Variants in SMARCA5 observed in about 807,000 individuals in gnomAD.
SMARCA5 encodes the protein SWI/SNF-related matrix-associated actin-dependent regulator of chromatin subfamily A member 5.
In SMARCA5, 18 loss-of-function variants were observed where a neutral mutation model predicts 140.4. That is an observed-to-expected ratio of 0.13 (90% CI 0.09 to 0.19). The LOEUF (loss-of-function observed/expected upper bound fraction) is 0.19, where lower values mean the gene tolerates loss of function less well. Among genes scored for constraint, SMARCA5 ranks in the 10% least tolerant of loss-of-function variants. SMARCA5 has a pLI of 1.00. For missense variants in SMARCA5, 606 were observed against 1,276.8 expected (o/e 0.47, Z 8.01); for synonymous variants, 449 against 419.6 (o/e 1.07, Z -0.86).
At chr4:143,516,531 G>C (rs998851118) in intron 1 of SMARCA5, among the ~76,000 whole-genome samples, 7 of 152,140 alleles carry the variant, frequency 4.6e-5, no homozygotes, top group African/African-American at 1.7e-4. Context: ...ATGTAGACCA[G>C]AGATTTATGA....
At chr4:143,534,400 A>G (rs1404164138) in intron 9 of SMARCA5, among the ~76,000 whole-genome samples, 7 of 152,160 alleles carry the variant, frequency 4.6e-5, no homozygotes, top group African/African-American at 1.4e-4. Flanking sequence ...TCAATCAACT[A>G]TGGATTGGAA....
At chr4:143,524,517 C>T (rs1458653574) in intron 4 of SMARCA5, 50 bp downstream of exon 4, 2 of 1,205,282 alleles carry the variant, frequency 1.7e-6, no homozygotes, top group Admixed American at 1.9e-5. Flanking sequence ...TTGAGATCTC[C>T]TTTGGTTAAT....
rs1737106523 is a variant in SMARCA5 at position 143,527,856 on chromosome 4, CTT to C, written c.802-11_802-10del. On this transcript the variant is annotated splice_polypyrimidine_tract_variant and intron_variant, in intron 6 of 23. Coordinates refer to ENST00000283131, the MANE Select transcript of SMARCA5 (RefSeq NM_003601.4). ...TTTCTACGTGATGTAATTTTTTTCT[CTT>C]GTTACACAGGCTGCTTTTGTCAGAG... 6.3e-6 allele frequency: 10 copies of C among 1,583,356 alleles called. No homozygotes were observed. In the East Asian group the frequency reaches 9.1e-5, roughly 14 times the overall value.
chr4:143,544,947 CTT>C (rs11289994), intron 17 of SMARCA5, 100 bp downstream of exon 17: 48,304 of 353,686 alleles, frequency 0.14, no homozygotes, highest in Middle Eastern at 0.17. Context: ...TTTTGTGTTT[CTT>C]TTTTTTTTTT....
In SMARCA5 at chr4:143,517,382, A is replaced by C. The variant is rs1411993784; in HGVS notation, c.205A>C (p.Lys69Gln). ...AATATTTGATGATGCGTCACCTGGAAAGCAAAAGGAAATCCAAGAACCAGA... is the reference window on the plus strand; with the variant it reads ...AATATTTGATGATGCGTCACCTGGACAGCAAAAGGAAATCCAAGAACCAGA... Reference protein sequence around the residue: ...EEIFDDASPGKQKEIQEPDPT... With the variant: ...EEIFDDASPGQQKEIQEPDPT... The change falls in exon 2 of 24, where the codon AAG becomes CAG. Residue 69 changes from lysine to glutamine, a missense_variant. By Grantham distance (53) the Lys-to-Gln change is moderately conservative. This residue lies in a region of SMARCA5 where 164 missense variants were observed against 128.4 expected (regional missense o/e 1.28). Transcript: ENST00000283131. 21 of 1,610,378 alleles carry C rather than the reference A, an allele frequency of 1.3e-5. No homozygotes were observed. The highest frequency in any genetic ancestry group is 1.8e-5 in the Non-Finnish European group (21 of 1,178,026).
At chr4:143,539,839 T>G (rs1359311694) in intron 13 of SMARCA5, among the ~76,000 whole-genome samples, 1 of 152,092 alleles carries the variant, frequency 6.6e-6, no homozygotes, top group Admixed American at 6.6e-5. Flanking sequence ...ACCCAGCCCA[T>G]TAGTCACTTT....
In SMARCA5 at chr4:143,555,368, TCAC is replaced by T; in HGVS notation, c.*2193_*2195del. The T allele has an allele frequency of 1.4e-6, 1 of 701,962 alleles. No homozygotes were observed. The allele number at this position is 701,962 out of a possible 1,614,324, so 43.5% of individuals were successfully genotyped here. A position where few individuals can be genotyped will look rare whatever the true frequency, so the allele number is the denominator to read the frequency against. ...GCAATCCCCACTGCCACCATATCCA[TCAC>T]CACCACCATGGCTGCCACCAAAGCC... On this transcript the variant is annotated 3_prime_UTR_variant, in exon 24 of 24. Coordinates refer to ENST00000283131, the MANE Select transcript of SMARCA5 (RefSeq NM_003601.4).
At position 143,544,705 on chromosome 4, in the gene SMARCA5, G is replaced by A. The variant is rs532415789; in HGVS notation, c.2173-32G>A. On this transcript the variant is annotated intron_variant, in intron 16 of 23. Transcript: ENST00000283131. Reference sequence around the variant, plus strand: ...TGATTTGTTACTGTGTATAATAAAAGTTGGTGATTTGAGTTGTTTCCCATG... The same window carrying A: ...TGATTTGTTACTGTGTATAATAAAAATTGGTGATTTGAGTTGTTTCCCATG... The A allele has an allele frequency of 7.1e-5, 82 of 1,148,534 alleles. No homozygotes were observed. The South Asian group carries it at 9.9e-4, about 14-fold the overall frequency. The allele number at this position is 1,148,534 out of a possible 1,614,324, so 71.1% of individuals were successfully genotyped here.
At chr4:143,528,801 C>G (rs1578795787) in intron 8 of SMARCA5, 87 bp downstream of exon 8, 1 of 1,194,278 alleles carries the variant, frequency 8.4e-7, no homozygotes, top group East Asian at 2.5e-5. Flanking sequence ...TGCCTTTTAG[C>G]ATGGCTTGAG....
rs1165437869 is a variant in SMARCA5, at chr4:143,528,793, C to T, written c.1089+79C>T. On this transcript the variant is annotated intron_variant, in intron 8 of 23. Transcript: ENST00000283131. The stretch of plus-strand genomic sequence containing the variant: ...ATATTTTTGTAATAAAAGTGGCCTG[C>T]CTTTTAGCATGGCTTGAGGTTATTA... 3 of 1,294,426 alleles carry T rather than the reference C, an allele frequency of 2.3e-6. No individual in the cohort carries two copies. The African/African-American group carries it at 4.5e-5, about 19-fold the overall frequency. The allele number at this position is 1,294,426 out of a possible 1,614,324, so 80.2% of individuals were successfully genotyped here. A position where few individuals can be genotyped will look rare whatever the true frequency, so the allele number is the denominator to read the frequency against.
intron 3 of SMARCA5, among the ~76,000 whole-genome samples, chr4:143,523,440 A>G (rs1440646605): frequency 6.6e-6 from 1 of 152,210 alleles, no homozygotes; most frequent in Non-Finnish European, 1.5e-5. Flanking sequence ...GAGAGTAACT[A>G]TAAAGGATAT....
At position 143,513,882 on chromosome 4, in the gene SMARCA5, G is replaced by T; in HGVS notation, c.-43G>T. The T allele has an allele frequency of 1.3e-6, 2 of 1,529,456 alleles. No individual in the cohort carries two copies. Among genetic ancestry groups the T allele is most frequent in the South Asian group, 1.2e-5 (1 of 83,528 alleles). 94.7% of individuals were successfully genotyped at this position (1,529,456 alleles called of 1,614,324 possible). A position where few individuals can be genotyped will look rare whatever the true frequency, so the allele number is the denominator to read the frequency against. ...TAGGCCTCCCCGTCCATCCCCGCCG[G>T]ACTCGGGCCTCTGGCAGCAGCGGGT... On this transcript the variant is annotated 5_prime_UTR_variant, in exon 1 of 24. Coordinates refer to ENST00000283131, the MANE Select transcript of SMARCA5 (RefSeq NM_003601.4).
chr4:143,523,021 T>G lies in SMARCA5; in HGVS notation c.420-1346T>G, dbSNP rs78888435. Among the ~76,000 whole-genome samples, 1,013 of 152,228 alleles carry G rather than the reference T, an allele frequency of 6.7e-3. 17 individuals carry two copies. Among genetic ancestry groups the G allele is most frequent in the African/African-American group, 0.023 (975 of 41,548 alleles). On this transcript the variant is annotated intron_variant, in intron 3 of 23. Coordinates refer to ENST00000283131, the MANE Select transcript of SMARCA5 (RefSeq NM_003601.4). Reference sequence around the variant, plus strand: ...TCTTTGGGTATCAGGAATACATTTTTTTAAATCTTTTTTTGTTTGTTTGTT... The same window carrying G: ...TCTTTGGGTATCAGGAATACATTTTGTTAAATCTTTTTTTGTTTGTTTGTT...
intron 1 of SMARCA5, chr4:143,514,458 T>G (rs529369554): frequency 4.8e-6 from 1 of 206,914 alleles, no homozygotes; most frequent in Non-Finnish European, 9.7e-6. Flanking sequence ...TGAATGTGGT[T>G]TTTAGTTTCC....
Position 143,544,210 on chromosome 4 carries a change from A to C in SMARCA5, c.2172+238A>C, listed in dbSNP as rs191222315. ...GTGGTATATGTTTACAGTGAAATAT[A>C]TTCTTGTATGGGATGAATAGTAATT... On this transcript the variant is annotated intron_variant, in intron 16 of 23. Coordinates refer to ENST00000283131, the MANE Select transcript of SMARCA5 (RefSeq NM_003601.4). The C allele has an allele frequency of 5.7e-4, 151 of 264,292 alleles. No individual in the cohort carries two copies. In the East Asian group the frequency reaches 9.0e-3, roughly 16 times the overall value. 16.4% of individuals were successfully genotyped at this position (264,292 alleles called of 1,614,324 possible). A position where few individuals can be genotyped will look rare whatever the true frequency, so the allele number is the denominator to read the frequency against.
intron 8 of SMARCA5, among the ~76,000 whole-genome samples, chr4:143,529,306 G>A (rs960401512): frequency 6.6e-6 from 1 of 152,132 alleles, no homozygotes; most frequent in Admixed American, 6.6e-5. Context: ...GGTAAGTCAG[G>A]TTGGCCTGAC....
At chr4:143,531,115 C>T (rs1047296572) in intron 9 of SMARCA5, among the ~76,000 whole-genome samples, 3 of 152,194 alleles carry the variant, frequency 2.0e-5, no homozygotes, top group African/African-American at 4.8e-5. Flanking sequence ...CCACCACGCC[C>T]GGCCTTAATA....
At chr4:143,523,505 G>A (rs1737006662) in intron 3 of SMARCA5, among the ~76,000 whole-genome samples, 1 of 152,176 alleles carries the variant, frequency 6.6e-6, no homozygotes, top group African/African-American at 2.4e-5. Flanking sequence ...AATAGGGGAT[G>A]GAAGTAGATC....
chr4:143,524,166 A>G (rs999258265), intron 3 of SMARCA5, among the ~76,000 whole-genome samples: 2 of 152,172 alleles, frequency 1.3e-5, no homozygotes, highest in Admixed American at 1.3e-4. Context: ...GGTGTATTTT[A>G]ATAACTAATG....
Sources: gnomAD v4.1 joint callset for allele counts (sites outside exome capture counted in the v4.1 genomes callset) on GRCh38, gnomAD v4.1.1 for gene constraint, gnomAD v4.1.1 regional missense constraint, MANE v1.5 for transcripts, NCBI Gene and HGNC (gene_info 2026-07-23, HGNC 2026-07-21) for gene names.